CELSR1: variants seen among roughly 807,000 people sequenced by gnomAD.
CELSR1 encodes adhesion G protein-coupled receptor C1.
In CELSR1, 110 loss-of-function variants were observed where a neutral mutation model predicts 249.1. The observed-to-expected ratio is 0.44, with a 90% CI of 0.38 to 0.52. The LOEUF (loss-of-function observed/expected upper bound fraction) is 0.52. Ranked by LOEUF, CELSR1 falls within the 20% of genes least tolerant of loss-of-function variation. The pLI, the probability that CELSR1 is intolerant of heterozygous loss-of-function variation, is 0.00. For missense variants in CELSR1, 4,109 were observed against 4,296.4 expected, an observed-to-expected ratio of 0.96 and a Z score of 1.22; for synonymous variants, 2,113 against 1,900.0, an observed-to-expected ratio of 1.11 and a Z score of -2.92.
chr22:46,417,138 A>C lies in CELSR1; in HGVS notation c.4612-5379T>G, dbSNP rs1202733332. On this transcript the variant is annotated intron_variant, in intron 5 of 34. Transcript: ENST00000674500. The surrounding 1 kb of genome is among the most constrained non-coding windows in gnomAD (Gnocchi z 4.1). Reference sequence around the variant, plus strand: ...TGAACGTTCCATGCTGTCATTTCTCAAGATGACAAAGTTCAGGCCTGTCTG... The same window carrying C: ...TGAACGTTCCATGCTGTCATTTCTCCAGATGACAAAGTTCAGGCCTGTCTG... Among the ~76,000 whole-genome samples, 1 of 152,192 alleles carries C rather than the reference A, an allele frequency of 6.6e-6. No individual in the cohort carries two copies. The highest frequency in any genetic ancestry group is 2.4e-5 in the African/African-American group (1 of 41,476).
At chr22:46,438,766 T>C (rs1297661126) in intron 3 of CELSR1, among the ~76,000 whole-genome samples, 3 of 152,134 alleles carry the variant, frequency 2.0e-5, no homozygotes, top group Non-Finnish European at 4.4e-5. Context: ...TAAGCTTTTG[T>C]GGTTTTTTTT....
At chr22:46,507,385 C>T (rs1280729488) in intron 1 of CELSR1, among the ~76,000 whole-genome samples, 2 of 152,066 alleles carry the variant, frequency 1.3e-5, no homozygotes, top group Non-Finnish European at 2.9e-5. Flanking sequence ...ATCACTGCCT[C>T]CCCTTCAGCA....
chr22:46,381,062 G>T lies in CELSR1; in HGVS notation c.7089-107C>A. ...CACGCCATGATGTGTTTCTAGGGGA[G>T]ACAGAATCACACTCCGAGAGCTCGG... On this transcript the variant is annotated intron_variant, in intron 21 of 34. Transcript: ENST00000674500. The surrounding 1 kb of genome is among the most constrained non-coding windows in gnomAD (Gnocchi z 6.0). 8.2e-7 allele frequency: 1 copy of T among 1,213,346 alleles called. No individual in the cohort carries two copies. The highest frequency in any genetic ancestry group is 1.2e-6 in the Non-Finnish European group (1 of 864,244). The allele number at this position is 1,213,346 out of a possible 1,614,324, so 75.2% of individuals were successfully genotyped here. A position where few individuals can be genotyped will look rare whatever the true frequency, so the allele number is the denominator to read the frequency against.
intron 17 of CELSR1, 106 bp from the exon 18 acceptor site, chr22:46,389,605 G>C (rs902251801): frequency 8.1e-7 from 1 of 1,234,136 alleles, no homozygotes; most frequent in East Asian, 2.5e-5. Context: ...TTCCTTGTCA[G>C]AAAGGAACTT....
rs1569185743 is a variant in CELSR1, at chr22:46,468,477, G to A, written c.3545-4132C>T. On this transcript the variant is annotated intron_variant, in intron 1 of 34. Transcript: ENST00000674500. This position sits in a 1 kb window ranked among gnomAD's most constrained non-coding sequence, Gnocchi z 4.5. ...TTCTGACACACGCTACAACATGGAT[G>A]TACCTTGAGGACGTGATGCTCACTG... Among the ~76,000 whole-genome samples, 1 of 152,138 alleles carries A rather than the reference G, an allele frequency of 6.6e-6. No individual in the cohort carries two copies. The highest frequency in any genetic ancestry group is 2.4e-5 in the African/African-American group (1 of 41,422).
intron 1 of CELSR1, among the ~76,000 whole-genome samples, chr22:46,515,579 G>C (rs5768869): frequency 0.74 from 111,921 of 152,136 alleles, 41,346 homozygotes; most frequent in East Asian, 0.86. Context: ...CCGGGGGCTG[G>C]AGGTGGAGGA....
chr22:46,420,732 G>A (rs115339465), intron 5 of CELSR1, among the ~76,000 whole-genome samples: 96 of 152,174 alleles, frequency 6.3e-4, no homozygotes, highest in African/African-American at 1.8e-3. Flanking sequence ...CTGGGCCCGC[G>A]GGACCCCCTT....
intron 9 of CELSR1, 169 bp from the exon 10 acceptor site, chr22:46,400,071 T>C (rs533164798): frequency 3.0e-6 from 2 of 669,338 alleles, no homozygotes; most frequent in Admixed American, 3.0e-5. Flanking sequence ...GGCTCAGGCC[T>C]GTAATCTCAG....
At chr22:46,479,502 C>T (rs891544723) in intron 1 of CELSR1, among the ~76,000 whole-genome samples, 1 of 151,944 alleles carries the variant, frequency 6.6e-6, no homozygotes, top group Non-Finnish European at 1.5e-5. Context: ...GCAGCCATGT[C>T]CCCCACAAGC....
intron 1 of CELSR1, among the ~76,000 whole-genome samples, chr22:46,501,259 T>G (rs989447348): frequency 7.1e-6 from 1 of 141,298 alleles, no homozygotes; most frequent in Non-Finnish European, 1.5e-5. Flanking sequence ...CTGGCTGGAG[T>G]GCAGTGGTGT....
In CELSR1 at chr22:46,399,905, G is replaced by C; in HGVS notation, c.5227-3C>G. 6.2e-7 allele frequency: 1 copy of C among 1,613,962 alleles called. No homozygotes were observed. The highest frequency in any genetic ancestry group is 8.5e-7 in the Non-Finnish European group (1 of 1,179,866). On this transcript the variant is annotated splice_polypyrimidine_tract_variant and splice_region_variant and intron_variant, in intron 9 of 34. Transcript: ENST00000674500. The surrounding 1 kb of genome is among the most constrained non-coding windows in gnomAD (Gnocchi z 5.0). ...AACTGGAGGTAGTTGTTCAGGATCT[G>C]GAGCAGGGAGAGCCACACCGACTGA...
chr22:46,489,050 G>A (rs575268709), intron 1 of CELSR1, among the ~76,000 whole-genome samples: 12 of 152,210 alleles, frequency 7.9e-5, no homozygotes, highest in African/African-American at 2.6e-4. Context: ...CACACCCCAT[G>A]GCAGGGCAGG....
chr22:46,504,990 C>CAT (rs2080501166), intron 1 of CELSR1, among the ~76,000 whole-genome samples: 1 of 152,186 alleles, frequency 6.6e-6, no homozygotes, highest in Non-Finnish European at 1.5e-5. Flanking sequence ...AGGCCGGGTG[C>CAT]GGCGGCTCAC....
Position 46,473,137 on chromosome 22 carries a change from G to A in CELSR1, c.3545-8792C>T, listed in dbSNP as rs1317918720. Among the ~76,000 whole-genome samples the A allele has an allele frequency of 6.6e-6, 1 of 152,128 alleles. No individual in the cohort carries two copies. Among genetic ancestry groups the A allele is most frequent in the African/African-American group, 2.4e-5 (1 of 41,414 alleles). ...CTCTCGGTGCAGGACGGCGGGGGTG[G>A]CTGAAGGAGAAATGTCCGCAGAGGG... On this transcript the variant is annotated intron_variant, in intron 1 of 34. Transcript: ENST00000674500. The surrounding 1 kb of genome is among the most constrained non-coding windows in gnomAD (Gnocchi z 6.6).
Position 46,460,211 on chromosome 22 carries a change from A to ACACACACACCCCCCCC in CELSR1, c.4183+3495_4183+3496insGGGGGGGGTGTGTGTG, listed in dbSNP as rs773925316. Among the ~76,000 whole-genome samples the ACACACACACCCCCCCC allele has an allele frequency of 4.1e-4, 61 of 148,972 alleles. 1 individual carries two copies. Among genetic ancestry groups the ACACACACACCCCCCCC allele is most frequent in the African/African-American group, 1.5e-3 (59 of 39,894 alleles). On this transcript the variant is annotated intron_variant, in intron 2 of 34. Transcript: ENST00000674500. ...CACACACACACACACACACACACAC[A>ACACACACACCCCCCCC]CACACCCATTAGCTACAGTCCCTGC...
rs1161624789 is a variant in CELSR1 at position 46,491,653 on chromosome 22, T to A, written c.3545-27308A>T. Among the ~76,000 whole-genome samples the A allele has an allele frequency of 1.2e-4, 17 of 143,120 alleles. No homozygotes were observed. In the Admixed American group the frequency reaches 1.2e-3, roughly 10 times the overall value. The allele number at this position is 143,120 out of a possible 152,430, so 93.9% of individuals were successfully genotyped here. ...TCTCTCTCTCTTTTTTTTTTTTTTT[T>A]AGACAGGGTGTTATTCTGTCACCCA... On this transcript the variant is annotated intron_variant, in intron 1 of 34. Coordinates refer to ENST00000674500, the MANE Select transcript of CELSR1 (RefSeq NM_001378328.1).
intron 1 of CELSR1, among the ~76,000 whole-genome samples, chr22:46,503,942 G>C (rs919594696): frequency 2.6e-5 from 4 of 152,180 alleles, no homozygotes; most frequent in African/African-American, 7.2e-5. Flanking sequence ...GCTGAGGCAG[G>C]AGGATGGCTT....
At chr22:46,403,708 C>A (rs1310404618) in intron 9 of CELSR1, among the ~76,000 whole-genome samples, 2 of 152,138 alleles carry the variant, frequency 1.3e-5, no homozygotes, top group African/African-American at 4.8e-5. Context: ...CACGGTGGCT[C>A]ACAACTCTAA....
chr22:46,440,544 C>T lies in CELSR1; in HGVS notation c.4184-1133G>A, dbSNP rs1244174070. Among the ~76,000 whole-genome samples the T allele has an allele frequency of 6.6e-6, 1 of 152,216 alleles. No homozygotes were observed. Among genetic ancestry groups the T allele is most frequent in the Non-Finnish European group, 1.5e-5 (1 of 68,038 alleles). On this transcript the variant is annotated intron_variant, in intron 2 of 34. Transcript: ENST00000674500. The surrounding 1 kb of genome is among the most constrained non-coding windows in gnomAD (Gnocchi z 4.7). ...TATTTTGCATCTCTGACAAATGGAT[C>T]TCAACGATCTTTTCATTTGCATTTA... is the stretch of plus-strand genomic sequence containing the variant.
Sources: gnomAD v4.1 joint callset for allele counts (sites outside exome capture counted in the v4.1 genomes callset) on GRCh38, gnomAD v4.1.1 for gene constraint, Gnocchi (gnomAD v3.1) non-coding constraint, MANE v1.5 for transcripts, NCBI Gene and HGNC (gene_info 2026-07-23, HGNC 2026-07-21) for gene names.